ROBO2: variants seen among roughly 807,000 people sequenced by gnomAD.
The protein encoded by ROBO2 is roundabout guidance receptor 2.
A neutral mutation model predicts 160.8 loss-of-function variants in ROBO2; 53 were observed. The ratio of observed to expected loss-of-function variants is 0.33; its 90% CI spans 0.26 to 0.41. The LOEUF is 0.41. ROBO2 is among the 10% of genes least tolerant of loss of function. The pLI is 1.00. For missense variants in ROBO2, 1,577 were observed against 1,722.4 expected (o/e 0.92, Z 1.49); for synonymous variants, 664 against 611.7 (o/e 1.09, Z -1.26).
At chr3:76,192,299 T>A (rs1168373007) in intron 2 of ROBO2, among the ~76,000 whole-genome samples, 2 of 152,040 alleles carry the variant, frequency 1.3e-5, no homozygotes, top group South Asian at 4.2e-4. Flanking sequence ...TTACCAATCC[T>A]GCCATTTCCC....
At chr3:76,952,892 A>T (rs1177378348) in intron 2 of ROBO2, among the ~76,000 whole-genome samples, 1 of 152,200 alleles carries the variant, frequency 6.6e-6, no homozygotes, top group African/African-American at 2.4e-5. Context: ...CACATTGCAT[A>T]AACCTATGCC....
In ROBO2 at chr3:77,224,233, C is replaced by T. The variant is rs1016116407; in HGVS notation, c.388+125893C>T. On this transcript the variant is annotated intron_variant, in intron 2 of 25. Transcript: ENST00000461745. ...AGGAAAGTAAAAGGAGTTTTTGAAC[C>T]TTGATCCAAATCTCTGAATTTATTT... 2.6e-5 allele frequency among the ~76,000 whole-genome samples: 4 copies of T among 151,934 alleles called. No homozygotes were observed. The East Asian group carries it at 7.7e-4, about 29-fold the overall frequency.
chr3:76,194,877 C>CA (rs1702189408), intron 2 of ROBO2, among the ~76,000 whole-genome samples: 1 of 152,158 alleles, frequency 6.6e-6, no homozygotes, highest in African/African-American at 2.4e-5. Flanking sequence ...GTTGGTCTCT[C>CA]AAAGTTCTGG....
intron 2 of ROBO2, among the ~76,000 whole-genome samples, chr3:76,388,281 T>A (rs148054969): frequency 9.9e-5 from 15 of 152,102 alleles, no homozygotes; most frequent in African/African-American, 3.6e-4. Context: ...TTTTTTCTTT[T>A]TTTTTTTTTA....
intron 2 of ROBO2, among the ~76,000 whole-genome samples, chr3:76,924,937 G>A (rs941550864): frequency 2.0e-5 from 3 of 152,072 alleles, no homozygotes; most frequent in African/African-American, 7.2e-5. Context: ...GGCCGGGCGC[G>A]GTGGCTCACG....
chr3:76,836,417 A>T lies in ROBO2; in HGVS notation c.110-261597A>T, dbSNP rs555338357. Among the ~76,000 whole-genome samples the T allele has an allele frequency of 2.0e-5, 3 of 150,572 alleles. No individual in the cohort carries two copies. In the South Asian group the frequency reaches 6.3e-4, roughly 32 times the overall value. On this transcript the variant is annotated intron_variant, in intron 2 of 26. Transcript: ENST00000487694. ...CAGCTATTTTGGTCATTACTTTTAC[A>T]GTATGTGTTAATTTTTTTGTTTTTT...
At chr3:77,306,027 A>G (rs986049767) in intron 2 of ROBO2, among the ~76,000 whole-genome samples, 3 of 152,194 alleles carry the variant, frequency 2.0e-5, no homozygotes, top group African/African-American at 7.2e-5. Flanking sequence ...TTTAGGAAAT[A>G]ATTAGAACAT....
intron 2 of ROBO2, among the ~76,000 whole-genome samples, chr3:76,102,972 C>T (rs754452767): frequency 5.3e-5 from 8 of 152,062 alleles, no homozygotes; most frequent in South Asian, 2.1e-4. Context: ...CTGCAGGCGC[C>T]GCCACCACGC....
chr3:76,281,181 TACTACCAATTCCCACATGTGGGAAA>T (rs1031682589), intron 2 of ROBO2, among the ~76,000 whole-genome samples: 18 of 151,824 alleles, frequency 1.2e-4, no homozygotes, highest in South Asian at 4.2e-4. Flanking sequence ...CATGTGGGAA[TACTACCAATTCCCACATGTGGGAAA>T]ACTACCAATT....
intron 2 of ROBO2, among the ~76,000 whole-genome samples, chr3:76,780,991 A>G (rs2108606227): frequency 1.3e-5 from 2 of 150,918 alleles, no homozygotes; most frequent in Middle Eastern, 6.9e-3. Flanking sequence ...TTGAATCTAT[A>G]AATCACTTTA....
At chr3:76,665,632 A>T (rs1183753139) in intron 2 of ROBO2, among the ~76,000 whole-genome samples, 1 of 151,524 alleles carries the variant, frequency 6.6e-6, no homozygotes, top group African/African-American at 2.4e-5. Context: ...GGAATTCTTA[A>T]ATTCATATCT....
chr3:77,584,969 CATAT>C lies in ROBO2; in HGVS notation c.2501-3770_2501-3767del, dbSNP rs199891931. Among the ~76,000 whole-genome samples, 71 of 146,452 alleles carry C rather than the reference CATAT, an allele frequency of 4.8e-4. 1 individual carries two copies. In the East Asian group the frequency reaches 0.014, roughly 28 times the overall value. ...ATACACACACACATATATATACACACATATATATATATATACTATATACTGGCAT... is the reference window on the plus strand; with the variant it reads ...ATACACACACACATATATATACACACATATATATATACTATATACTGGCAT... On this transcript the variant is annotated intron_variant, in intron 16 of 25. Transcript: ENST00000461745.
At chr3:76,470,165 T>G (rs1331478352) in intron 2 of ROBO2, among the ~76,000 whole-genome samples, 1 of 152,176 alleles carries the variant, frequency 6.6e-6, no homozygotes, top group Non-Finnish European at 1.5e-5. Context: ...TATGGCTGCC[T>G]TGGAGGTCTT....
At chr3:77,362,274 G>A (rs151220455) in intron 2 of ROBO2, among the ~76,000 whole-genome samples, 2 of 152,226 alleles carry the variant, frequency 1.3e-5, no homozygotes, top group African/African-American at 4.8e-5. Context: ...GAAATTGAAC[G>A]AAACTCCAAA....
At chr3:76,174,756 G>A (rs939921044) in intron 2 of ROBO2, among the ~76,000 whole-genome samples, 5 of 151,978 alleles carry the variant, frequency 3.3e-5, no homozygotes, top group Non-Finnish European at 4.4e-5. Flanking sequence ...TGCTGTTTTG[G>A]TTACTGTAGC....
Position 77,294,737 on chromosome 3 carries a change from C to A in ROBO2, c.389-182677C>A, listed in dbSNP as rs576792853. Reference sequence around the variant, plus strand: ...ACATGAAGTAAAATTGATGGTTAAACGGGTAAGCTGAGGCTAGATCACCCC... The same window carrying A: ...ACATGAAGTAAAATTGATGGTTAAAAGGGTAAGCTGAGGCTAGATCACCCC... On this transcript the variant is annotated intron_variant, in intron 2 of 25. Transcript: ENST00000461745. Among the ~76,000 whole-genome samples the A allele has an allele frequency of 2.1e-5, 3 of 142,368 alleles. 1 individual carries two copies. Among genetic ancestry groups the A allele is most frequent in the African/African-American group, 8.5e-5 (3 of 35,190 alleles). The allele number at this position is 142,368 out of a possible 152,430, so 93.4% of individuals were successfully genotyped here.
intron 2 of ROBO2, among the ~76,000 whole-genome samples, chr3:77,225,830 A>G (rs2086429573): frequency 6.6e-6 from 1 of 152,000 alleles, no homozygotes; most frequent in Non-Finnish European, 1.5e-5. Context: ...AGTAAAATTC[A>G]TTTTTATCCA....
chr3:76,548,408 T>C (rs1305360881), intron 2 of ROBO2, among the ~76,000 whole-genome samples: 1 of 152,030 alleles, frequency 6.6e-6, no homozygotes, highest in African/African-American at 2.4e-5. Context: ...GATCAGGGGT[T>C]GGAATACAGA....
At chr3:76,677,388 T>C (rs1310042188) in intron 2 of ROBO2, among the ~76,000 whole-genome samples, 1 of 152,166 alleles carries the variant, frequency 6.6e-6, no homozygotes, top group Non-Finnish European at 1.5e-5. Flanking sequence ...ATTACTGACT[T>C]ACTCTCACTA....
Sources: allele counts gnomAD v4.1 joint callset (sites outside exome capture counted in the v4.1 genomes callset), GRCh38; gene constraint gnomAD v4.1.1; transcripts MANE v1.5; gene names NCBI Gene and HGNC (gene_info 2026-07-23, HGNC 2026-07-21).